Variants in ANKRD36C observed in about 807,000 individuals in gnomAD.
The protein encoded by ANKRD36C is ankyrin repeat domain-containing protein 36C.
Under a neutral mutation model 276.4 loss-of-function variants are expected in ANKRD36C, and 61 were observed. The observed-to-expected ratio is 0.22, with a 90% CI of 0.18 to 0.27. ANKRD36C has a LOEUF of 0.27. ANKRD36C is among the 10% of genes least tolerant of loss of function. ANKRD36C has a pLI of 1.00. For synonymous variants in ANKRD36C, 483 were observed against 680.1 expected (o/e 0.71, Z 4.51); for missense variants, 1,447 against 2,032.3 (o/e 0.71, Z 5.54).
exon 42 of ANKRD36C, chr2:95,912,263 A>G: frequency 6.4e-7 from 1 of 1,553,744 alleles, no homozygotes; most frequent in African/African-American, 1.4e-5. Flanking sequence ...ATGTTTCTCC[A>G]TCCTTTTTTT....
Position 95,900,771 on chromosome 2 carries a change from C to T in ANKRD36C, c.2654-1435G>A, listed in dbSNP as rs796272412. ...TTATGCTGTGCCCAAGAGCCCCTTACGTCTTCAACTGCTCTCCATATTTCT... is the reference window on the plus strand; with the variant it reads ...TTATGCTGTGCCCAAGAGCCCCTTATGTCTTCAACTGCTCTCCATATTTCT... On this transcript the variant is annotated intron_variant, in intron 42 of 66. Transcript: ENST00000456556. 3.3e-3 allele frequency among the ~76,000 whole-genome samples: 380 copies of T among 114,838 alleles called. 3 individuals are homozygous for T. The highest frequency in any genetic ancestry group is 0.013 in the East Asian group (37 of 2,866). 75.3% of individuals were successfully genotyped at this position (114,838 alleles called of 152,430 possible).
intron 12 of ANKRD36C, among the ~76,000 whole-genome samples, chr2:95,957,279 T>C (rs1678349695): frequency 6.6e-6 from 1 of 152,310 alleles, no homozygotes; most frequent in Non-Finnish European, 1.5e-5. Flanking sequence ...ACGCATGTCT[T>C]TCATACAAGA....
chr2:95,859,968 C>T, exon 61 of ANKRD36C: 1 of 1,550,062 alleles, frequency 6.5e-7, no homozygotes, highest in East Asian at 2.5e-5. Context: ...CCTTATTTTT[C>T]AGTTTTCGAA....
intron 3 of ANKRD36C, among the ~76,000 whole-genome samples, chr2:95,984,611 CA>C (rs932872278): frequency 2.0e-5 from 3 of 151,990 alleles, no homozygotes; most frequent in African/African-American, 7.2e-5. Context: ...CCCAAGAATG[CA>C]ATAAAAATTG....
At chr2:95,935,886 A>T (rs1677701839) in intron 22 of ANKRD36C, among the ~76,000 whole-genome samples, 1 of 152,312 alleles carries the variant, frequency 6.6e-6, no homozygotes, top group Non-Finnish European at 1.5e-5. Flanking sequence ...TCACCCAAGA[A>T]CCATTTATAC....
chr2:95,943,483 CAA>C (rs199616343), intron 19 of ANKRD36C, among the ~76,000 whole-genome samples: 7 of 132,318 alleles, frequency 5.3e-5, no homozygotes, highest in Non-Finnish European at 4.8e-5. Context: ...GACTCCGTCT[CAA>C]AAAAAAAAAA....
intron 17 of ANKRD36C, among the ~76,000 whole-genome samples, chr2:95,946,381 T>C (rs1199635728): frequency 1.4e-5 from 2 of 143,822 alleles, no homozygotes; most frequent in Non-Finnish European, 3.0e-5. Flanking sequence ...CCAGTTAGAA[T>C]GGCAATCATT....
intron 13 of ANKRD36C, among the ~76,000 whole-genome samples, chr2:95,955,666 G>A (rs1233700006): frequency 2.6e-5 from 4 of 152,016 alleles, no homozygotes; most frequent in Admixed American, 2.6e-4. Context: ...ATCACTCAAT[G>A]ACAGAATGAT....
chr2:95,891,025 G>C (rs538449957), intron 46 of ANKRD36C, among the ~76,000 whole-genome samples: 4 of 151,562 alleles, frequency 2.6e-5, no homozygotes, highest in South Asian at 2.1e-4. Flanking sequence ...TAATGAGTCA[G>C]TGTGGTGTAT....
chr2:95,910,366 A>G lies in ANKRD36C; in HGVS notation c.2653+1878T>C, dbSNP rs1676876864. The G allele has an allele frequency of 2.0e-6, 3 of 1,535,286 alleles. No individual in the cohort carries two copies. Among genetic ancestry groups the G allele is most frequent in the Middle Eastern group, 1.8e-4 (1 of 5,592 alleles). On this transcript the variant is annotated intron_variant, in intron 42 of 66. Coordinates refer to ENST00000456556, the Ensembl canonical transcript of ANKRD36C. ...GAACACGACATTAAATCTGTTTTCAAAATTACCTGTCCTAGATTTTTCTCC... is the reference window on the plus strand; with the variant it reads ...GAACACGACATTAAATCTGTTTTCAGAATTACCTGTCCTAGATTTTTCTCC...
At chr2:95,907,848 G>A (rs1475391122) in intron 42 of ANKRD36C, among the ~76,000 whole-genome samples, 3 of 149,646 alleles carry the variant, frequency 2.0e-5, no homozygotes, top group African/African-American at 7.4e-5. Flanking sequence ...ACCAAGAGGA[G>A]TAATGAGTCA....
At chr2:95,964,222 A>T (rs1167819352) in intron 6 of ANKRD36C, among the ~76,000 whole-genome samples, 1 of 150,938 alleles carries the variant, frequency 6.6e-6, no homozygotes, top group Non-Finnish European at 1.5e-5. Context: ...GCTGCAACCC[A>T]ATATGCTAAC....
intron 6 of ANKRD36C, among the ~76,000 whole-genome samples, chr2:95,975,931 G>GA (rs59204353): frequency 6.6e-6 from 1 of 151,780 alleles, no homozygotes; most frequent in Non-Finnish European, 1.5e-5. Context: ...AAATTTACAA[G>GA]AAAAAAACAA....
intron 6 of ANKRD36C, among the ~76,000 whole-genome samples, chr2:95,963,318 C>T (rs1445695142): frequency 6.6e-6 from 1 of 152,074 alleles, no homozygotes; most frequent in African/African-American, 2.4e-5. Context: ...TAAGCTTTCA[C>T]ATTTGGAAAT....
intron 44 of ANKRD36C, among the ~76,000 whole-genome samples, chr2:95,896,887 A>C (rs1177038485): frequency 1.3e-5 from 2 of 149,318 alleles, no homozygotes; most frequent in African/African-American, 4.9e-5. Flanking sequence ...GGGTTGTTAC[A>C]ACAAGCTTTC....
intron 61 of ANKRD36C, among the ~76,000 whole-genome samples, chr2:95,858,544 T>A (rs930935732): frequency 6.6e-6 from 1 of 152,206 alleles, no homozygotes; most frequent in South Asian, 2.1e-4. Context: ...CTTCACACAG[T>A]AATTACTCCT....
At chr2:95,962,957 A>G (rs1253625980) in intron 6 of ANKRD36C, among the ~76,000 whole-genome samples, 2 of 152,066 alleles carry the variant, frequency 1.3e-5, no homozygotes, top group South Asian at 4.1e-4. Flanking sequence ...ACACCATTAT[A>G]CTACAACCAT....
intron 22 of ANKRD36C, among the ~76,000 whole-genome samples, chr2:95,938,609 A>G (rs1677784373): frequency 6.6e-6 from 1 of 152,304 alleles, no homozygotes; most frequent in Non-Finnish European, 1.5e-5. Flanking sequence ...AATGATGACA[A>G]CTTTAAAGGA....
At chr2:95,969,148 C>T (rs1678650683) in intron 6 of ANKRD36C, among the ~76,000 whole-genome samples, 1 of 152,164 alleles carries the variant, frequency 6.6e-6, no homozygotes, top group South Asian at 2.1e-4. Context: ...CTCTCACATC[C>T]CAGGAGGTGA....
Sources: gnomAD v4.1 joint callset for allele counts (sites outside exome capture counted in the v4.1 genomes callset) on GRCh38, gnomAD v4.1.1 for gene constraint, MANE v1.5 for transcripts, NCBI Gene and HGNC (gene_info 2026-07-23, HGNC 2026-07-21) for gene names.